The following CCDC171 variants were observed in gnomAD, a reference collection of about 807,000 sequenced individuals.
The protein encoded by CCDC171 is coiled-coil domain-containing protein 171.
Under a neutral mutation model 168.2 loss-of-function variants are expected in CCDC171, and 177 were observed. The observed-to-expected ratio is 1.05, with a 90% CI of 0.93 to 1.19. CCDC171 has a LOEUF of 1.19. Ranked by LOEUF, CCDC171 falls within the 50% of genes most tolerant of loss-of-function variation. The probability of loss-of-function intolerance (pLI) is 0.00; values close to 1 mark genes in which losing one functional copy is unlikely to be tolerated. For missense variants in CCDC171, 1,991 were observed against 1,539.0 expected (o/e 1.29, Z -4.91); for synonymous variants, 687 against 540.8 (o/e 1.27, Z -3.75).
At chr9:15,634,219 A>G (rs2046009272) in intron 7 of CCDC171, among the ~76,000 whole-genome samples, 4 of 152,154 alleles carry the variant, frequency 2.6e-5, no homozygotes. Context: ...AAAAAAAAGA[A>G]AAATAATTTA....
intron 3 of CCDC171, among the ~76,000 whole-genome samples, chr9:15,573,652 G>C (rs932341986): frequency 3.9e-5 from 6 of 152,094 alleles, no homozygotes; most frequent in Non-Finnish European, 8.8e-5. Context: ...CATATAAAGT[G>C]GTATGTGTTA....
intron 21 of CCDC171, among the ~76,000 whole-genome samples, 169 bp from the exon 22 acceptor site, chr9:15,846,533 A>G (rs1400145948): frequency 6.6e-6 from 1 of 152,066 alleles, no homozygotes; most frequent in Admixed American, 6.6e-5. Context: ...TATCATTTCT[A>G]ATTAGTACGT....
intron 7 of CCDC171, among the ~76,000 whole-genome samples, chr9:15,637,723 G>C (rs1449573994): frequency 6.7e-6 from 1 of 148,702 alleles, no homozygotes; most frequent in Non-Finnish European, 1.5e-5. Flanking sequence ...TGCGGTGTTT[G>C]GTTTTCTGTC....
intron 8 of CCDC171, among the ~76,000 whole-genome samples, chr9:15,661,412 T>A (rs560464435): frequency 6.6e-6 from 1 of 152,274 alleles, no homozygotes; most frequent in African/African-American, 2.4e-5. Context: ...TCCCTGGGAA[T>A]ATATAGTTAA....
intron 6 of CCDC171, among the ~76,000 whole-genome samples, chr9:16,031,004 C>T (rs1833357032): frequency 6.6e-6 from 1 of 152,158 alleles, no homozygotes; most frequent in African/African-American, 2.4e-5. Context: ...GAAGAAGAGC[C>T]AAGTCGAGTC....
At chr9:15,934,616 G>A (rs1361054005) in intron 25 of CCDC171, among the ~76,000 whole-genome samples, 1 of 151,826 alleles carries the variant, frequency 6.6e-6, no homozygotes, top group Non-Finnish European at 1.5e-5. Flanking sequence ...GTTAAACTTG[G>A]AGTTACCATA....
chr9:16,053,947 C>T (rs947448607), intron 1 of CCDC171, among the ~76,000 whole-genome samples: 2 of 152,242 alleles, frequency 1.3e-5, no homozygotes, highest in African/African-American at 2.4e-5. Flanking sequence ...CACTCTCCTT[C>T]GAGCCTCAGA....
At chr9:16,004,799 G>A (rs1253400632) in intron 3 of CCDC171, among the ~76,000 whole-genome samples, 2 of 152,138 alleles carry the variant, frequency 1.3e-5, no homozygotes, top group Non-Finnish European at 2.9e-5. Flanking sequence ...GAAGGAGAGC[G>A]ATCAGCCCTT....
intron 6 of CCDC171, among the ~76,000 whole-genome samples, chr9:15,618,877 C>T (rs1240000992): frequency 3.3e-5 from 5 of 151,708 alleles, no homozygotes; most frequent in East Asian, 1.9e-4. Flanking sequence ...CTGTGTACCT[C>T]AGTTGGAAAT....
rs1376699836 is a variant in CCDC171 at position 15,609,225 on chromosome 9, G to GA, written c.676-14041dup. Reference sequence around the variant, plus strand: ...AGCGATTCTCCTGCCTCAGCCTCCCGAGTAGCTGGGATTACAGGTGCCTGC... The same window carrying GA: ...AGCGATTCTCCTGCCTCAGCCTCCCGAAGTAGCTGGGATTACAGGTGCCTGC... On this transcript the variant is annotated intron_variant, in intron 6 of 25. Transcript: ENST00000380701. 5.9e-5 allele frequency among the ~76,000 whole-genome samples: 9 copies of GA among 151,568 alleles called. No individual in the cohort carries two copies. In the East Asian group the frequency reaches 1.6e-3, roughly 26 times the overall value.
intron 25 of CCDC171, among the ~76,000 whole-genome samples, chr9:15,954,204 CCCTT>C (rs1829534374): frequency 6.7e-6 from 1 of 150,274 alleles, no homozygotes; most frequent in East Asian, 1.9e-4. Context: ...TCTTTTTTCC[CCCTT>C]CCTTCTGCTA....
At chr9:15,916,778 C>T (rs1002577365) in intron 24 of CCDC171, among the ~76,000 whole-genome samples, 2 of 151,944 alleles carry the variant, frequency 1.3e-5, no homozygotes, top group East Asian at 1.9e-4. Context: ...TGAATTCCCT[C>T]GTCTTATTAC....
intron 24 of CCDC171, among the ~76,000 whole-genome samples, chr9:15,895,215 T>C (rs1416484653): frequency 6.6e-6 from 1 of 152,182 alleles, no homozygotes; most frequent in Non-Finnish European, 1.5e-5. Context: ...AGAGATTATG[T>C]ATGCCATCAC....
the CCDC171 span, among the ~76,000 whole-genome samples, chr9:16,096,667 T>G: frequency 6.6e-6 from 1 of 152,230 alleles, no homozygotes; most frequent in Non-Finnish European, 1.5e-5. Context: ...GTGAGGCTAC[T>G]GCCTCTGTTC....
intron 18 of CCDC171, among the ~76,000 whole-genome samples, chr9:15,746,149 G>A (rs2055260592): frequency 6.6e-6 from 1 of 152,128 alleles, no homozygotes; most frequent in Admixed American, 6.6e-5. Context: ...AGTTTAAAAT[G>A]CAAGTTTTTT....
chr9:15,951,854 T>G (rs146015720), intron 25 of CCDC171, among the ~76,000 whole-genome samples: 12 of 152,256 alleles, frequency 7.9e-5, no homozygotes, highest in African/African-American at 2.9e-4. Flanking sequence ...ATGCACACAA[T>G]TTAAAAATTA....
In CCDC171 at chr9:15,723,674, T is replaced by C; in HGVS notation, c.1426-7T>C. On this transcript the variant is annotated splice_region_variant and splice_polypyrimidine_tract_variant and intron_variant, in intron 12 of 25. Transcript: ENST00000380701. Reference sequence around the variant, plus strand: ...TTCATCAGCTAAACAGCATGAATGATGTTAAGGAAAAGGCATGTAATGAAC... The same window carrying C: ...TTCATCAGCTAAACAGCATGAATGACGTTAAGGAAAAGGCATGTAATGAAC... 1 of 1,589,532 alleles carries C rather than the reference T, an allele frequency of 6.3e-7. No individual in the cohort carries two copies. The highest frequency in any genetic ancestry group is 8.6e-7 in the Non-Finnish European group (1 of 1,165,632).
intron 24 of CCDC171, among the ~76,000 whole-genome samples, chr9:15,902,220 C>A (rs1048230722): frequency 1.3e-5 from 2 of 148,520 alleles, no homozygotes; most frequent in African/African-American, 5.0e-5. Flanking sequence ...CTTTTTTTCT[C>A]AAAATGATAC....
At chr9:16,012,470 C>G (rs546316254) in intron 3 of CCDC171, among the ~76,000 whole-genome samples, 94 of 152,050 alleles carry the variant, frequency 6.2e-4, no homozygotes, top group African/African-American at 2.2e-3. Flanking sequence ...CTTACTGTGT[C>G]TTAAGTGTTG....
Sources: gnomAD v4.1 joint callset for allele counts (sites outside exome capture counted in the v4.1 genomes callset) on GRCh38, gnomAD v4.1.1 for gene constraint, MANE v1.5 for transcripts, NCBI Gene and HGNC (gene_info 2026-07-23, HGNC 2026-07-21) for gene names.